CCDC141: variants seen among roughly 807,000 people sequenced by gnomAD.
The protein encoded by CCDC141 is coiled-coil domain-containing protein 141.
CCDC141 carries 168 observed loss-of-function variants against 181.0 expected under a neutral mutation model. The observed-to-expected ratio is 0.93, with a 90% CI of 0.82 to 1.05. CCDC141 has a LOEUF of 1.05. Among genes scored for constraint, CCDC141 ranks in the 50% least tolerant of loss-of-function variants. The pLI is 0.00. For synonymous variants in CCDC141, 666 were observed against 642.3 expected (o/e 1.04, Z -0.56); for missense variants, 1,902 against 1,788.5 (o/e 1.06, Z -1.14).
chr2:178,860,163 G>C (rs1319078649), intron 17 of CCDC141, among the ~76,000 whole-genome samples: 1 of 152,074 alleles, frequency 6.6e-6, no homozygotes, highest in Non-Finnish European at 1.5e-5. Context: ...AAAGCTTTTT[G>C]ATGCTCATAT....
At chr2:178,899,504 C>T (rs1180871093) in intron 8 of CCDC141, among the ~76,000 whole-genome samples, 1 of 152,104 alleles carries the variant, frequency 6.6e-6, no homozygotes, top group African/African-American at 2.4e-5. Flanking sequence ...AAATGTATAT[C>T]TTCATTTTAC....
At position 178,871,445 on chromosome 2, in the gene CCDC141, G is replaced by A; in HGVS notation, c.2187C>T (p.Asp729=). ...TCTTCACCTGGAACTGAGGCTTCAT[G>A]TCATTCCATTTTTGTCGTAGATCTA... ...FILDLRQKWN[D]MKPQFQQLND... is the part of the protein sequence containing the mutation. Residue 729 remains aspartate (D), a synonymous_variant, in exon 14 of 24, where the codon GAC becomes GAT. Transcript: ENST00000443758. 6.2e-6 allele frequency: 10 copies of A among 1,613,728 alleles called. No homozygotes were observed. Among genetic ancestry groups the A allele is most frequent in the Non-Finnish European group, 8.5e-6 (10 of 1,179,816 alleles).
In CCDC141 at chr2:178,869,242, G is replaced by T. The variant is rs1368601947; in HGVS notation, c.2269C>A (p.Pro757Thr). 1.2e-6 allele frequency: 2 copies of T among 1,613,084 alleles called. No homozygotes were observed. The highest frequency in any genetic ancestry group is 1.7e-6 in the Non-Finnish European group (2 of 1,179,614). ...ESEELTGRGA[P>T]VKEKSQQLKD... ...AGTTGTTGAGACTTTTCTTTTACAG[G>T]GGCTCCTCTGCCAGTTAACTCCTCT... Residue 757 changes from proline (P) to threonine (T), a missense_variant, in exon 15 of 24, where the codon CCT becomes ACT. Transcript: ENST00000443758.
chr2:178,881,915 TCACACA>T (rs55791403), intron 11 of CCDC141, among the ~76,000 whole-genome samples: 3,214 of 92,064 alleles, frequency 0.035, 121 homozygotes, highest in African/African-American at 0.088. Flanking sequence ...TCTCTCTCTC[TCACACA>T]CACACACACA....
At position 178,877,952 on chromosome 2, in the gene CCDC141, T is replaced by G. The variant is rs757423665; in HGVS notation, c.1899+12A>C. The G allele has an allele frequency of 6.2e-7, 1 of 1,607,440 alleles. No individual in the cohort carries two copies. Among genetic ancestry groups the G allele is most frequent in the Non-Finnish European group, 8.5e-7 (1 of 1,174,138 alleles). On this transcript the variant is annotated intron_variant, in intron 12 of 23. Coordinates refer to ENST00000443758, the MANE Select transcript of CCDC141 (RefSeq NM_173648.4). ...CCTGCAGAAGGTGTGATCCATTTAA[T>G]GCCATTCTTACCATATTTATTAAAT...
In CCDC141 at chr2:179,015,374, T is replaced by TATATATCTCATATATGTATC. The variant is rs1559049493; in HGVS notation, c.225+31890_225+31909dup. ...TCATACATATCCCATATATGTATCA[T>TATATATCTCATATATGTATC]ATATATCTCATATATGTATCATATA... On this transcript the variant is annotated intron_variant, in intron 2 of 23. Coordinates refer to ENST00000443758, the MANE Select transcript of CCDC141 (RefSeq NM_173648.4). Among the ~76,000 whole-genome samples, 63 of 124,816 alleles carry TATATATCTCATATATGTATC rather than the reference T, an allele frequency of 5.0e-4. 2 individuals carry two copies. The highest frequency in any genetic ancestry group is 8.0e-4 in the Non-Finnish European group (49 of 61,448). 81.9% of individuals were successfully genotyped at this position (124,816 alleles called of 152,430 possible).
At chr2:178,935,721 A>G (rs376066928) in intron 6 of CCDC141, among the ~76,000 whole-genome samples, 1 of 152,088 alleles carries the variant, frequency 6.6e-6, no homozygotes, top group East Asian at 1.9e-4. Flanking sequence ...CACTCCTATC[A>G]ATGGTGTATA....
chr2:179,027,195 T>G (rs2042871200), intron 2 of CCDC141, among the ~76,000 whole-genome samples: 1 of 152,154 alleles, frequency 6.6e-6, no homozygotes, highest in Non-Finnish European at 1.5e-5. Flanking sequence ...TGATTTGCTG[T>G]GTCCCCACCC....
chr2:179,026,604 T>C (rs2042852584), intron 2 of CCDC141, among the ~76,000 whole-genome samples: 2 of 152,072 alleles, frequency 1.3e-5, no homozygotes, highest in African/African-American at 4.8e-5. Flanking sequence ...CCACACAGAG[T>C]ACCCCCAGCA....
chr2:178,816,694 C>T, the CCDC141 span, among the ~76,000 whole-genome samples: 1 of 152,192 alleles, frequency 6.6e-6, no homozygotes, highest in Non-Finnish European at 1.5e-5. Flanking sequence ...CACATCCTCA[C>T]TAGCATTTGG....
intron 2 of CCDC141, among the ~76,000 whole-genome samples, chr2:178,985,153 T>G (rs2154381624): frequency 6.6e-6 from 1 of 151,554 alleles, no homozygotes; most frequent in African/African-American, 2.4e-5. Context: ...GAACTCAGGA[T>G]TAAGAATCTC....
chr2:178,918,973 C>T (rs1688572716), intron 6 of CCDC141, 66 bp from the exon 7 acceptor site: 2 of 1,358,866 alleles, frequency 1.5e-6, no homozygotes, highest in African/African-American at 1.5e-5. Flanking sequence ...TTGTGTCCCC[C>T]CGAAATTCCT....
chr2:179,041,359 G>A (rs541800269), intron 2 of CCDC141, among the ~76,000 whole-genome samples: 1 of 151,186 alleles, frequency 6.6e-6, no homozygotes, highest in Non-Finnish European at 1.5e-5. Context: ...ATCTCATTGT[G>A]GTTTTGATTT....
chr2:178,961,432 T>C lies in CCDC141; in HGVS notation c.578A>G (p.Asp193Gly). Residue 193 changes from aspartate (D) to glycine (G), a missense_variant, in exon 5 of 24, where the codon GAC becomes GGC. By Grantham distance (94) the Asp-to-Gly change is moderately conservative. Transcript: ENST00000443758. ...TTCACACTTGAATTTTTCTATGAAG[T>C]CAGTGAGTTGTTGACTTTTGTTTAA... ...ALLNKSQQLT[D>G]FIEKFKCEGP... 6.4e-7 allele frequency: 1 copy of C among 1,550,454 alleles called. No homozygotes were observed.
intron 2 of CCDC141, among the ~76,000 whole-genome samples, chr2:179,025,980 CA>C (rs1305657598): frequency 1.3e-5 from 2 of 152,138 alleles, no homozygotes; most frequent in African/African-American, 4.8e-5. Flanking sequence ...AATTTCTAAG[CA>C]ACAAAGCATT....
chr2:179,004,740 T>G (rs2042076238), intron 2 of CCDC141, among the ~76,000 whole-genome samples: 1 of 152,302 alleles, frequency 6.6e-6, no homozygotes, highest in East Asian at 1.9e-4. Flanking sequence ...AAATTTTTTT[T>G]TTGTTTTTGA....
chr2:178,918,892 C>G lies in CCDC141; in HGVS notation c.913G>C (p.Val305Leu). 6.4e-7 allele frequency: 1 copy of G among 1,550,394 alleles called. No homozygotes were observed. Among genetic ancestry groups the G allele is most frequent in the Non-Finnish European group, 8.7e-7 (1 of 1,146,848 alleles). ...AGTGCCTCACTCTTCAGCTTCTCAA[C>G]AGCAGAATTCCATTCCTGCAAGAGA... ...IIKAKEWNSA[V>L]EKLKSEALRI... The change falls in exon 7 of 24, where the codon GTT (valine) becomes CTT (leucine). Residue 305 changes from valine to leucine, a missense_variant. Physicochemically the swap from Val to Leu is conservative, Grantham distance 32 (BLOSUM62 1). Coordinates refer to ENST00000443758, the MANE Select transcript of CCDC141 (RefSeq NM_173648.4).
chr2:178,840,629 T>A (rs553447350), intron 22 of CCDC141, among the ~76,000 whole-genome samples: 1 of 152,242 alleles, frequency 6.6e-6, no homozygotes, highest in Admixed American at 6.5e-5. Flanking sequence ...GGAGGTGAAG[T>A]CTGTGGTCGT....
chr2:178,999,313 G>A (rs1692418190), intron 2 of CCDC141, among the ~76,000 whole-genome samples: 1 of 151,944 alleles, frequency 6.6e-6, no homozygotes, highest in African/African-American at 2.4e-5. Context: ...AGTCACCAAG[G>A]CCCACTGAGT....
Sources: gnomAD v4.1 joint callset for allele counts (sites outside exome capture counted in the v4.1 genomes callset) on GRCh38, gnomAD v4.1.1 for gene constraint, MANE v1.5 for transcripts, NCBI Gene and HGNC (gene_info 2026-07-23, HGNC 2026-07-21) for gene names.